Variants in CACNA1C observed in about 807,000 individuals in gnomAD.
The protein encoded by CACNA1C is voltage-dependent L-type calcium channel subunit alpha-1C.
Under a neutral mutation model 229.0 loss-of-function variants are expected in CACNA1C, and 30 were observed. That is an observed-to-expected ratio of 0.13 (90% CI 0.10 to 0.18). The LOEUF is 0.18. CACNA1C is among the 10% of genes least tolerant of loss of function. CACNA1C has a pLI of 1.00. For synonymous variants in CACNA1C, 1,114 were observed against 1,132.5 expected (o/e 0.98, Z 0.33); for missense variants, 1,658 against 2,845.0 (o/e 0.58, Z 9.49).
At chr12:2,265,624 ACGC>A (rs2082107843) in intron 3 of CACNA1C, among the ~76,000 whole-genome samples, 1 of 152,204 alleles carries the variant, frequency 6.6e-6, no homozygotes, top group Non-Finnish European at 1.5e-5. Context: ...ATGCAGGGTG[ACGC>A]TGTGCAGTGG....
intron 3 of CACNA1C, among the ~76,000 whole-genome samples, chr12:2,434,966 C>T (rs889151380): frequency 2.0e-5 from 3 of 152,334 alleles, no homozygotes; most frequent in African/African-American, 4.8e-5. Context: ...CGTGAACCGT[C>T]GTCAGCCCAA....
rs1013608111 is a variant in CACNA1C at position 2,689,105 on chromosome 12, C to A, written c.6117+326C>A. Among the ~76,000 whole-genome samples the A allele has an allele frequency of 2.0e-5, 3 of 152,174 alleles. No individual in the cohort carries two copies. Among genetic ancestry groups the A allele is most frequent in the African/African-American group, 7.2e-5 (3 of 41,444 alleles). The stretch of plus-strand genomic sequence containing the variant: ...ACAGACAGGCAAGATCCAAGGTGCT[C>A]AGGCCTGACTGCCCGTGAGCATCAC... On this transcript the variant is annotated intron_variant, in intron 46 of 46. Transcript: ENST00000399655. The surrounding 1 kb of genome is among the most constrained non-coding windows in gnomAD (Gnocchi z 4.2).
At position 2,632,964 on chromosome 12, in the gene CACNA1C, C is replaced by G. The variant is rs763764791; in HGVS notation, c.3829-1333C>G. Among the ~76,000 whole-genome samples the G allele has an allele frequency of 6.6e-6, 1 of 152,172 alleles. No individual in the cohort carries two copies. The highest frequency in any genetic ancestry group is 2.4e-5 in the African/African-American group (1 of 41,444). On this transcript the variant is annotated intron_variant, in intron 29 of 46. Coordinates refer to ENST00000399655, the MANE Select transcript of CACNA1C (RefSeq NM_000719.7). This position sits in a 1 kb window ranked among gnomAD's most constrained non-coding sequence, Gnocchi z 4.1. Reference sequence around the variant, plus strand: ...CTGCCCCTGGAAACACTGGGGCACCCAGTGCAGGAACTAGGGTACCCTGAT... The same window carrying G: ...CTGCCCCTGGAAACACTGGGGCACCGAGTGCAGGAACTAGGGTACCCTGAT...
At chr12:2,102,236 A>C (rs1309500980) in intron 1 of CACNA1C, among the ~76,000 whole-genome samples, 1 of 152,244 alleles carries the variant, frequency 6.6e-6, no homozygotes, top group Non-Finnish European at 1.5e-5. Flanking sequence ...TGAAGGCCAA[A>C]TTAAAGTTCT....
chr12:1,971,456 T>C lies in CACNA1C; in HGVS notation c.139+255T>C, dbSNP rs1237679218. 1.3e-5 allele frequency among the ~76,000 whole-genome samples: 2 copies of C among 152,252 alleles called. No individual in the cohort carries two copies. Among genetic ancestry groups the C allele is most frequent in the Non-Finnish European group, 2.9e-5 (2 of 68,036 alleles). ...GCAATGCAATACTGCCTTTACATAA[T>C]GAAACACCAATCTTTTACTTTCCTT... On this transcript the variant is annotated intron_variant, in intron 1 of 46. Coordinates refer to the CACNA1C transcript ENST00000682462. This position sits in a 1 kb window ranked among gnomAD's most constrained non-coding sequence, Gnocchi z 4.2.
rs147083706 is a variant in CACNA1C, at chr12:2,317,994, G to A, written c.478-130982G>A. Reference sequence around the variant, plus strand: ...CCGGGAGCCAGGCCTGAGGAAGTGCGCCTTCTGCCGGTGCTCAGAGGCAGA... The same window carrying A: ...CCGGGAGCCAGGCCTGAGGAAGTGCACCTTCTGCCGGTGCTCAGAGGCAGA... On this transcript the variant is annotated intron_variant, in intron 3 of 46. Coordinates refer to ENST00000399655, the MANE Select transcript of CACNA1C (RefSeq NM_000719.7). Among the ~76,000 whole-genome samples the A allele has an allele frequency of 1.3e-5, 2 of 152,310 alleles. 1 individual carries two copies. Among genetic ancestry groups the A allele is most frequent in the African/African-American group, 4.8e-5 (2 of 41,572 alleles).
chr12:2,173,209 A>C (rs967510894), intron 3 of CACNA1C, among the ~76,000 whole-genome samples: 5 of 152,176 alleles, frequency 3.3e-5, no homozygotes, highest in African/African-American at 4.8e-5. Flanking sequence ...TTTAAGTCTG[A>C]GGGGAGAAGT....
chr12:2,538,305 C>T (rs4765952), intron 9 of CACNA1C, among the ~76,000 whole-genome samples: 50,371 of 151,990 alleles, frequency 0.33, 9,230 homozygotes, highest in African/African-American at 0.49. Context: ...ATCAACCAGG[C>T]TTTAATTGCT....
intron 42 of CACNA1C, chr12:2,682,079 A>AC: frequency 7.5e-7 from 1 of 1,326,878 alleles, no homozygotes; most frequent in South Asian, 1.2e-5. Flanking sequence ...CTGTGCCTTT[A>AC]CCCCAGGGTG....
rs2154556256 is a variant in CACNA1C at position 2,421,596 on chromosome 12, C to T, written c.478-27380C>T. On this transcript the variant is annotated intron_variant, in intron 3 of 46. Transcript: ENST00000399655. ...GGTGAGCCTGCTAAGTTCCTTTCCT[C>T]TCTTCTCTTGGGTCTGTAAGAGTAT... 2.0e-5 allele frequency among the ~76,000 whole-genome samples: 3 copies of T among 152,296 alleles called. No homozygotes were observed. The Middle Eastern group carries it at 0.01, about 518-fold the overall frequency.
chr12:2,650,943 A>T (rs537931958), intron 31 of CACNA1C: 1 of 152,698 alleles, frequency 6.5e-6, no homozygotes, highest in African/African-American at 2.4e-5. Flanking sequence ...GGCAGAGGGG[A>T]GTAGGAGGGC....
chr12:2,129,125 A>C (rs1425161056), intron 3 of CACNA1C, among the ~76,000 whole-genome samples: 1 of 152,198 alleles, frequency 6.6e-6, no homozygotes, highest in Non-Finnish European at 1.5e-5. Flanking sequence ...CACCTTTGGG[A>C]AATGCTGCTC....
intron 3 of CACNA1C, among the ~76,000 whole-genome samples, chr12:2,301,061 A>G (rs2154473487): frequency 6.6e-6 from 1 of 152,272 alleles, no homozygotes; most frequent in East Asian, 1.9e-4. Context: ...GTCTGCAGGC[A>G]TACACTCCGT....
intron 34 of CACNA1C, among the ~76,000 whole-genome samples, chr12:2,662,842 C>T (rs995470853): frequency 3.9e-5 from 6 of 152,168 alleles, no homozygotes; most frequent in Non-Finnish European, 7.3e-5. Context: ...CACACATCTA[C>T]GCAAATACAA....
chr12:2,004,231 C>T, intron 1 of CACNA1C: 2 of 1,605,342 alleles, frequency 1.2e-6, no homozygotes, highest in Non-Finnish European at 1.7e-6. Context: ...CTGACGCCCC[C>T]CGCCTCCACC....
intron 3 of CACNA1C, among the ~76,000 whole-genome samples, chr12:2,407,198 C>T (rs1315190300): frequency 6.6e-6 from 1 of 152,254 alleles, no homozygotes; most frequent in East Asian, 1.9e-4. Context: ...ACCACTTCGG[C>T]AGGGAAAGGG....
At chr12:2,525,789 C>T (rs921891188) in intron 9 of CACNA1C, among the ~76,000 whole-genome samples, 1 of 152,160 alleles carries the variant, frequency 6.6e-6, no homozygotes, top group African/African-American at 2.4e-5. Flanking sequence ...TGCAGTGTTT[C>T]CAGAAGAGAT....
upstream of CACNA1C, among the ~76,000 whole-genome samples, chr12:2,051,222 G>A (rs1229834356): frequency 6.6e-6 from 1 of 152,160 alleles, no homozygotes; most frequent in Non-Finnish European, 1.5e-5. Flanking sequence ...CAGGCAGTGG[G>A]AATAGCTAGA....
At chr12:2,441,017 G>A (rs1006514828) in intron 3 of CACNA1C, among the ~76,000 whole-genome samples, 5 of 152,306 alleles carry the variant, frequency 3.3e-5, no homozygotes, top group East Asian at 1.9e-4. Context: ...TGTAGAGGTC[G>A]GGCTGATGAG....
Sources: gnomAD v4.1 joint callset for allele counts (sites outside exome capture counted in the v4.1 genomes callset) on GRCh38, gnomAD v4.1.1 for gene constraint, Gnocchi (gnomAD v3.1) non-coding constraint, MANE v1.5 for transcripts, NCBI Gene and HGNC (gene_info 2026-07-23, HGNC 2026-07-21) for gene names.